The following DRC1 variants were observed in gnomAD, a reference collection of about 807,000 sequenced individuals.
DRC1 encodes dynein regulatory complex subunit 1, also known as dynein regulatory complex protein 1.
A neutral mutation model predicts 98.7 loss-of-function variants in DRC1; 74 were observed. That is an observed-to-expected ratio of 0.75 (90% CI 0.62 to 0.91). The LOEUF is 0.91. Among genes scored for constraint, DRC1 ranks in the 40% least tolerant of loss-of-function variants. The pLI is 0.00. For missense variants in DRC1, 875 were observed against 886.0 expected, an observed-to-expected ratio of 0.99 and a Z score of 0.16; for synonymous variants, 336 against 334.1, an observed-to-expected ratio of 1.01 and a Z score of -0.06.
At chr2:26,436,300 C>T (rs1663569570) in intron 7 of DRC1, among the ~76,000 whole-genome samples, 1 of 152,056 alleles carries the variant, frequency 6.6e-6, no homozygotes, top group Non-Finnish European at 1.5e-5. Context: ...TCTTTGCCCA[C>T]CCACTCCCCC....
intron 7 of DRC1, among the ~76,000 whole-genome samples, chr2:26,439,936 T>TATAC (rs548209014): frequency 9.3e-5 from 7 of 75,488 alleles, no homozygotes; most frequent in East Asian, 2.4e-4. Flanking sequence ...TATATATATA[T>TATAC]ACACACACAC....
rs368470989 is a variant in DRC1, at chr2:26,455,243, G to T, written c.2166+10G>T. ...GTATCTGAACTCCAAGGTGGGCGGC[G>T]GGGCCTTCCAAGGAGGGGCAGCGGG... On this transcript the variant is annotated intron_variant, in intron 16 of 16. Transcript: ENST00000288710. The T allele has an allele frequency of 4.3e-6, 7 of 1,609,968 alleles. No individual in the cohort carries two copies. The African/African-American group carries it at 6.7e-5, about 15-fold the overall frequency.
rs531119339 is a variant in DRC1, at chr2:26,423,867, G to A, written c.357-404G>A. ...CTTGAGGGAGTTATGCAACTTGTCC[G>A]AAAGGTTGACAGTCAGTTAGGAGCC... On this transcript the variant is annotated intron_variant, in intron 3 of 16. Coordinates refer to ENST00000288710, the MANE Select transcript of DRC1 (RefSeq NM_145038.5). 2.2e-3 allele frequency among the ~76,000 whole-genome samples: 334 copies of A among 152,310 alleles called. 7 individuals are homozygous for A. Among genetic ancestry groups the A allele is most frequent in the Admixed American group, 0.019 (295 of 15,304 alleles).
At position 26,414,411 on chromosome 2, in the gene DRC1, CAGAA is replaced by C. The variant is rs867188875; in HGVS notation, c.228_231del (p.Glu77LysfsTer4). On this transcript the variant is annotated frameshift_variant, in exon 2 of 17. Coordinates refer to ENST00000288710, the MANE Select transcript of DRC1 (RefSeq NM_145038.5). LOFTEE classifies it high-confidence loss of function. ...GGAGGATCAAAGCAAGAGCTACAAA[CAGAA>C]AGAAGAAAGCCGATTGGTATGAACT... is the stretch of plus-strand genomic sequence containing the variant. 6 of 1,613,464 alleles carry C rather than the reference CAGAA, an allele frequency of 3.7e-6. No homozygotes were observed. Among genetic ancestry groups the C allele is most frequent in the African/African-American group, 1.3e-5 (1 of 74,864 alleles).
At chr2:26,445,752 G>C (rs534951176) in intron 10 of DRC1, among the ~76,000 whole-genome samples, 2 of 151,792 alleles carry the variant, frequency 1.3e-5, no homozygotes, top group Non-Finnish European at 2.9e-5. Flanking sequence ...TCCGCCTCCC[G>C]GGTTCAAGCA....
rs1376830534 is a variant in DRC1, at chr2:26,454,170, C to T, written c.1920-477C>T. Among the ~76,000 whole-genome samples the T allele has an allele frequency of 3.9e-5, 6 of 152,132 alleles. No homozygotes were observed. Among genetic ancestry groups the T allele is most frequent in the East Asian group, 3.9e-4 (2 of 5,190 alleles). On this transcript the variant is annotated intron_variant, in intron 14 of 16. Coordinates refer to ENST00000288710, the MANE Select transcript of DRC1 (RefSeq NM_145038.5). This position sits in a 1 kb window ranked among gnomAD's most constrained non-coding sequence, Gnocchi z 5.2. The stretch of plus-strand genomic sequence containing the variant: ...GGAGCCAGAAAAGGATTTGAAGCAG[C>T]CGAAGAGCCATGATTAGCCTTGCGT...
In DRC1 at chr2:26,448,482, C is replaced by G; in HGVS notation, c.1397-209C>G. The G allele has an allele frequency of 8.6e-6, 6 of 694,000 alleles. No individual in the cohort carries two copies. The South Asian group carries it at 9.0e-5, about 10-fold the overall frequency. 43.0% of individuals were successfully genotyped at this position (694,000 alleles called of 1,614,324 possible). On this transcript the variant is annotated intron_variant, in intron 10 of 16. Coordinates refer to ENST00000288710, the MANE Select transcript of DRC1 (RefSeq NM_145038.5). ...GGCTGGCTGGGAATGGCCGAGTTCT[C>G]CAGGTAGTCTCTGATTCCGACCCCC... is the stretch of plus-strand genomic sequence containing the variant.
chr2:26,437,030 A>G (rs546360491), intron 7 of DRC1, among the ~76,000 whole-genome samples: 1 of 152,256 alleles, frequency 6.6e-6, no homozygotes, highest in African/African-American at 2.4e-5. Flanking sequence ...CTTATAGACC[A>G]ATGGCTTCCC....
intron 6 of DRC1, 70 bp downstream of exon 6, chr2:26,430,942 G>T: frequency 6.8e-6 from 7 of 1,029,594 alleles, no homozygotes; most frequent in East Asian, 2.7e-5. Context: ...GAATTTGCTA[G>T]CTAGCCTTTT....
intron 6 of DRC1, 76 bp downstream of exon 6, chr2:26,430,948 CT>C: frequency 2.7e-6 from 2 of 731,772 alleles, no homozygotes; most frequent in Non-Finnish European, 2.0e-6. Context: ...GCTAGCTAGC[CT>C]TTTTCTATCT....
intron 4 of DRC1, among the ~76,000 whole-genome samples, chr2:26,427,330 G>A (rs1420214921): frequency 6.6e-6 from 1 of 151,748 alleles, no homozygotes; most frequent in African/African-American, 2.4e-5. Flanking sequence ...TGCCAAGTCT[G>A]GTCTCAAACT....
chr2:26,414,953 T>G (rs931017252), intron 2 of DRC1, among the ~76,000 whole-genome samples: 10 of 152,210 alleles, frequency 6.6e-5, no homozygotes, highest in Non-Finnish European at 1.2e-4. Flanking sequence ...GGATTCTTCC[T>G]CAGCCCAGCC....
chr2:26,412,172 A>G (rs1257174750), intron 1 of DRC1, among the ~76,000 whole-genome samples: 1 of 152,206 alleles, frequency 6.6e-6, no homozygotes, highest in Admixed American at 6.5e-5. Flanking sequence ...GTGTTACACT[A>G]GGTAGGATTG....
intron 10 of DRC1, among the ~76,000 whole-genome samples, chr2:26,447,208 T>C (rs1663876562): frequency 6.6e-6 from 1 of 151,672 alleles, no homozygotes; most frequent in African/African-American, 2.4e-5. Context: ...AGGTCAGGAG[T>C]TTGAGACCAG....
intron 5 of DRC1, 156 bp from the exon 6 acceptor site, chr2:26,430,630 A>G (rs1663409649): frequency 2.5e-6 from 2 of 785,892 alleles, no homozygotes; most frequent in Non-Finnish European, 4.6e-6. Context: ...TTCCATAGCC[A>G]TTTGGTCTTA....
At chr2:26,426,431 A>C (rs914429623) in intron 4 of DRC1, among the ~76,000 whole-genome samples, 26 of 146,242 alleles carry the variant, frequency 1.8e-4, no homozygotes, top group Non-Finnish European at 2.8e-4. Context: ...CAGTGGTTTG[A>C]TCTCGGCTCA....
At chr2:26,425,628 G>A (rs954778197) in intron 4 of DRC1, among the ~76,000 whole-genome samples, 9 of 152,190 alleles carry the variant, frequency 5.9e-5, no homozygotes, top group East Asian at 1.9e-4. Flanking sequence ...GGTGTGAGGC[G>A]ATATCTCATT....
chr2:26,422,530 CT>C (rs1663172878), intron 3 of DRC1, among the ~76,000 whole-genome samples: 2 of 152,312 alleles, frequency 1.3e-5, no homozygotes, highest in South Asian at 4.1e-4. Context: ...AAGAATTAAA[CT>C]TCTTTGGTTT....
At chr2:26,422,748 TCTA>T (rs1467173320) in intron 3 of DRC1, among the ~76,000 whole-genome samples, 1 of 152,044 alleles carries the variant, frequency 6.6e-6, no homozygotes, top group African/African-American at 2.4e-5. Context: ...AAACTCCGTC[TCTA>T]CTAAGAACAC....
Sources: allele counts gnomAD v4.1 joint callset (sites outside exome capture counted in the v4.1 genomes callset), GRCh38; gene constraint gnomAD v4.1.1; non-coding constraint Gnocchi (gnomAD v3.1); transcripts MANE v1.5; gene names NCBI Gene and HGNC (gene_info 2026-07-23, HGNC 2026-07-21).